Variants in CDC42BPG observed in about 807,000 individuals in gnomAD.
CDC42BPG encodes the protein CDC42 binding protein kinase gamma, also known as serine/threonine-protein kinase MRCK gamma.
In CDC42BPG, 157 loss-of-function variants were observed where a neutral mutation model predicts 192.2. The observed-to-expected ratio is 0.82, with a 90% CI of 0.72 to 0.93. CDC42BPG has a LOEUF of 0.93. CDC42BPG is among the 40% of genes least tolerant of loss of function. The pLI is 0.00. For missense variants in CDC42BPG, 1,992 were observed against 2,122.1 expected, an observed-to-expected ratio of 0.94 and a Z score of 1.20; for synonymous variants, 981 against 918.5, an observed-to-expected ratio of 1.07 and a Z score of -1.23.
In CDC42BPG at chr11:64,831,658, C is replaced by T. The variant is rs776232979; in HGVS notation, c.3151G>A (p.Glu1051Lys). 8 of 1,610,074 alleles carry T rather than the reference C, an allele frequency of 5.0e-6. No homozygotes were observed. Among genetic ancestry groups the T allele is most frequent in the South Asian group, 3.3e-5 (3 of 90,918 alleles). ...TGCAGCCAGCGTTCCCGCTCCCCCT[C>T]GCTCTCTGCCAGCAGCAGCACAGTG... ...TCTVLLLAES[E>K]GERERWLQVL... Residue 1051 changes from glutamate (E) to lysine (K), a missense_variant, in exon 28 of 37, where the codon GAG becomes AAG. Around this residue, in one of 2 missense-constraint regions of CDC42BPG, gnomAD observed 1,656 missense variants for 1,844.3 expected, o/e 0.90. Transcript: ENST00000342711.
At chr11:64,835,440 G>A in intron 15 of CDC42BPG, 21 bp from the exon 16 acceptor site, 1 of 1,613,016 alleles carries the variant, frequency 6.2e-7, no homozygotes, top group African/African-American at 1.3e-5. Context: ...GAAGGCCAAG[G>A]CCGTGACTCA....
intron 30 of CDC42BPG, among the ~76,000 whole-genome samples, chr11:64,829,081 G>T (rs557396617): frequency 1.3e-5 from 2 of 152,070 alleles, no homozygotes; most frequent in Admixed American, 1.3e-4. Context: ...TTAGCCAGGC[G>T]TGATGGCACA....
chr11:64,832,504 G>A lies in CDC42BPG; in HGVS notation c.3011C>T (p.Pro1004Leu), dbSNP rs753910137. The A allele has an allele frequency of 1.2e-5, 20 of 1,613,936 alleles. No individual in the cohort carries two copies. Among genetic ancestry groups the A allele is most frequent in the Non-Finnish European group, 1.5e-5 (18 of 1,179,982 alleles). Residue 1004 changes from proline to leucine, a missense_variant, in exon 27 of 37, where the codon CCC becomes CTC. Physicochemically the swap from Pro to Leu is moderately conservative, Grantham distance 98. Coordinates refer to ENST00000342711, the MANE Select transcript of CDC42BPG (RefSeq NM_017525.3). ...ALLQVLDLRD[P>L]QFSATPVLAS... ...CAGGACAGGGGTAGCCGAGAACTGG[G>A]GGTCCCTGGGAGGTTCACAGAACAG...
At position 64,831,598 on chromosome 11, in the gene CDC42BPG, C is replaced by A. The variant is rs760248646; in HGVS notation, c.3211G>T (p.Ala1071Ser). 1.2e-6 allele frequency: 2 copies of A among 1,612,054 alleles called. No individual in the cohort carries two copies. The highest frequency in any genetic ancestry group is 4.5e-5 in the East Asian group (2 of 44,890). The change falls in exon 28 of 37, where the codon GCG becomes TCG. Residue 1071 changes from alanine (A) to serine (S), a missense_variant. Transcript: ENST00000342711. ...TACACGGGCCGGGGTCTTGGCCGCGCGTCCAGCAGCAGCCGCTGCAGCTCA... is the reference window on the plus strand; with the variant it reads ...TACACGGGCCGGGGTCTTGGCCGCGAGTCCAGCAGCAGCCGCTGCAGCTCA... ...LGELQRLLLD[A>S]RPRPRPVYTL...
At chr11:64,838,507 C>G in intron 8 of CDC42BPG, 147 bp downstream of exon 8, 1 of 1,131,524 alleles carries the variant, frequency 8.8e-7, no homozygotes, top group South Asian at 1.5e-5. Flanking sequence ...GTGGCTGGAA[C>G]GGGTCAGTCT....
At chr11:64,843,275 G>A (rs1189676154) in intron 1 of CDC42BPG, among the ~76,000 whole-genome samples, 1 of 152,132 alleles carries the variant, frequency 6.6e-6, no homozygotes. Context: ...CCCAGGCAGA[G>A]GTGCTGGAGG....
At position 64,829,685 on chromosome 11, in the gene CDC42BPG, C is replaced by G. The variant is rs1261267791; in HGVS notation, c.3753G>C (p.Leu1251=). The G allele has an allele frequency of 4.3e-6, 7 of 1,611,658 alleles. No homozygotes were observed. Among genetic ancestry groups the G allele is most frequent in the Non-Finnish European group, 5.9e-6 (7 of 1,179,508 alleles). ...GAAGGFALYP[L]LNEAAPLALG... is the part of the protein sequence containing the mutation. ...GCGCCAACGGCGCAGCCTCGTTGAGCAGCGGGTAGAGTGCAAAGCCACCGG... is the reference window on the plus strand; with the variant it reads ...GCGCCAACGGCGCAGCCTCGTTGAGGAGCGGGTAGAGTGCAAAGCCACCGG... The change falls in exon 30 of 37, where the codon CTG becomes CTC. Residue 1251 remains leucine, a synonymous_variant. Coordinates refer to ENST00000342711, the MANE Select transcript of CDC42BPG (RefSeq NM_017525.3).
intron 3 of CDC42BPG, among the ~76,000 whole-genome samples, chr11:64,841,177 G>A (rs1375536054): frequency 6.8e-6 from 1 of 146,992 alleles, no homozygotes; most frequent in Non-Finnish European, 1.5e-5. Flanking sequence ...TGTAGGCTGG[G>A]CACGGTGGTT....
chr11:64,824,715 TACTTA>T (rs1184398600), intron 36 of CDC42BPG, among the ~76,000 whole-genome samples, 186 bp from the exon 37 acceptor site: 7 of 152,134 alleles, frequency 4.6e-5, no homozygotes, highest in Non-Finnish European at 4.4e-5. Flanking sequence ...GGAGAGCTCC[TACTTA>T]ACTTTGAATG....
chr11:64,823,179 C>T lies in CDC42BPG; in HGVS notation c.*1294G>A, dbSNP rs577512845. ...TCGGCTCACTGCAAGCTCCGCCTCC[C>T]GGGTTCACGCCATTCTCCTGCCTCA... On this transcript the variant is annotated 3_prime_UTR_variant, in exon 37 of 37. Coordinates refer to ENST00000342711, the MANE Select transcript of CDC42BPG (RefSeq NM_017525.3). 5.9e-5 allele frequency among the ~76,000 whole-genome samples: 9 copies of T among 151,830 alleles called. No homozygotes were observed. The highest frequency in any genetic ancestry group is 5.8e-4 in the East Asian group (3 of 5,162).
intron 23 of CDC42BPG, 89 bp from the exon 24 acceptor site, chr11:64,833,425 G>A: frequency 1.0e-6 from 1 of 971,168 alleles, no homozygotes; most frequent in Non-Finnish European, 1.5e-6. Context: ...GCTGAGCCAG[G>A]CAACAGTGAC....
chr11:64,843,753 T>A (rs933496378), intron 1 of CDC42BPG, among the ~76,000 whole-genome samples: 1 of 151,852 alleles, frequency 6.6e-6, no homozygotes, highest in East Asian at 1.9e-4. Context: ...TAGGCCCCCC[T>A]CCCCGGCCCC....
chr11:64,832,656 C>G lies in CDC42BPG; in HGVS notation c.2953G>C (p.Asp985His). 3.7e-6 allele frequency: 6 copies of G among 1,613,784 alleles called. No individual in the cohort carries two copies. Among genetic ancestry groups the G allele is most frequent in the Non-Finnish European group, 5.1e-6 (6 of 1,180,010 alleles). The change falls in exon 26 of 37, where the codon GAC becomes CAC. Residue 985 changes from aspartate to histidine, a missense_variant. By Grantham distance (81) the Asp-to-His change is moderately conservative. Coordinates refer to ENST00000342711, the MANE Select transcript of CDC42BPG (RefSeq NM_017525.3). Reference protein sequence around the residue: ...DSRLLLFDAPDLRLSPPSGAL... With the variant: ...DSRLLLFDAPHLRLSPPSGAL... The stretch of plus-strand genomic sequence containing the variant: ...CCACTGGGCGGGCTGAGCCTCAGGT[C>G]AGGGGCGTCAAACAGCAGCAGGCGT...
At chr11:64,832,233 C>A (rs1294479429) in intron 27 of CDC42BPG, among the ~76,000 whole-genome samples, 195 bp downstream of exon 27, 1 of 152,200 alleles carries the variant, frequency 6.6e-6, no homozygotes, top group African/African-American at 2.4e-5. Flanking sequence ...GTCAGGAGCA[C>A]CCCGAGCCCC....
rs1340388821 is a variant in CDC42BPG at position 64,832,520 on chromosome 11, CACAGA to C, written c.3006-16_3006-12del. On this transcript the variant is annotated splice_polypyrimidine_tract_variant and intron_variant, in intron 26 of 36. Transcript: ENST00000342711. ...GAGAACTGGGGGTCCCTGGGAGGTT[CACAGA>C]ACAGGTCAGAAATCTCCCTGTCCCT... The C allele has an allele frequency of 1.3e-5, 21 of 1,613,932 alleles. No homozygotes were observed. Among genetic ancestry groups the C allele is most frequent in the Non-Finnish European group, 1.6e-5 (19 of 1,179,976 alleles).
Position 64,834,938 on chromosome 11 carries a change from C to A in CDC42BPG, c.2086G>T (p.Gly696Cys). Residue 696 changes from glycine to cysteine, a missense_variant, in exon 18 of 37, where the codon GGC becomes TGC. This residue lies in a region of CDC42BPG where 1,656 missense variants were observed against 1,844.3 expected (regional missense o/e 0.90). Coordinates refer to ENST00000342711, the MANE Select transcript of CDC42BPG (RefSeq NM_017525.3). ...SWVNDEKVSR[G>C]YLQALATKMA... ...TTGGTGGCCAGGGCCTGCAGGTAGC[C>A]TCTTGAGACCTTCTCATCATTCACC... The A allele has an allele frequency of 6.2e-7, 1 of 1,614,146 alleles. No individual in the cohort carries two copies. The highest frequency in any genetic ancestry group is 8.5e-7 in the Non-Finnish European group (1 of 1,180,030).
intron 11 of CDC42BPG, 24 bp downstream of exon 11, chr11:64,836,715 G>GGGA: frequency 9.2e-6 from 8 of 870,664 alleles, no homozygotes; most frequent in East Asian, 2.9e-5. Context: ...CTGGGGGGGG[G>GGGA]GGGGGGGTGG....
rs767192966 is a variant in CDC42BPG, at chr11:64,836,536, A to C, written c.1385-6T>G. 1.2e-6 allele frequency: 2 copies of C among 1,611,966 alleles called. No homozygotes were observed. Among genetic ancestry groups the C allele is most frequent in the South Asian group, 2.2e-5 (2 of 91,070 alleles). On this transcript the variant is annotated splice_region_variant and splice_polypyrimidine_tract_variant and intron_variant, in intron 11 of 36. Coordinates refer to ENST00000342711, the MANE Select transcript of CDC42BPG (RefSeq NM_017525.3). ...GGCCTTGTCCCTCAGCATCTCTGCCAGGAAGAGTCACTGAGACCTCGAGTG... is the reference window on the plus strand; with the variant it reads ...GGCCTTGTCCCTCAGCATCTCTGCCCGGAAGAGTCACTGAGACCTCGAGTG...
rs957226856 is a variant in CDC42BPG, at chr11:64,834,498, T to G, written c.2255A>C (p.Glu752Ala). 1.3e-6 allele frequency: 2 copies of G among 1,575,972 alleles called. No homozygotes were observed. Among genetic ancestry groups the G allele is most frequent in the Non-Finnish European group, 1.7e-6 (2 of 1,160,832 alleles). Residue 752 changes from glutamate to alanine, a missense_variant, in exon 19 of 37, where the codon GAG (glutamate) becomes GCG (alanine). By Grantham distance (107) the Glu-to-Ala change is moderately radical (BLOSUM62 -1). This residue lies in a region of CDC42BPG where 1,656 missense variants were observed against 1,844.3 expected (regional missense o/e 0.90). Transcript: ENST00000342711. ...CTGCAGGCCCTGCTTGGCGCGGATC[T>G]CGGCCTCCAGCGCTGACTGCAGCTC... ...RLELQSALEAEIRAKQGLQER... is the reference protein window; with the variant it reads ...RLELQSALEAAIRAKQGLQER...
Sources: gnomAD v4.1 joint callset for allele counts (sites outside exome capture counted in the v4.1 genomes callset) on GRCh38, gnomAD v4.1.1 for gene constraint, gnomAD v4.1.1 regional missense constraint, MANE v1.5 for transcripts, NCBI Gene and HGNC (gene_info 2026-07-23, HGNC 2026-07-21) for gene names.